The following CHRM3 variants were observed in gnomAD, a reference collection of about 807,000 sequenced individuals.
CHRM3 encodes the protein muscarinic acetylcholine receptor M3.
A neutral mutation model predicts 41.8 loss-of-function variants in CHRM3; 11 were observed. The observed-to-expected ratio is 0.26, with a 90% CI of 0.17 to 0.44. The LOEUF is 0.44. CHRM3 is among the 20% of genes least tolerant of loss of function. The pLI is 1.00. For missense variants in CHRM3, 571 were observed against 745.4 expected (o/e 0.77, Z 2.72); for synonymous variants, 297 against 301.4 (o/e 0.99, Z 0.15).
intron 1 of CHRM3, among the ~76,000 whole-genome samples, chr1:239,414,352 C>G (rs1229309793): frequency 6.6e-6 from 1 of 152,192 alleles, no homozygotes; most frequent in Non-Finnish European, 1.5e-5. Context: ...TTGTTAATCT[C>G]TTCCTCAGTT....
chr1:239,869,625 C>T (rs543728342), intron 6 of CHRM3, among the ~76,000 whole-genome samples: 1 of 152,236 alleles, frequency 6.6e-6, no homozygotes, highest in Admixed American at 6.5e-5. Context: ...AGCCCTCAGC[C>T]ATGGATCCCC....
At chr1:239,567,029 A>G (rs572683104) in intron 3 of CHRM3, among the ~76,000 whole-genome samples, 1 of 152,354 alleles carries the variant, frequency 6.6e-6, no homozygotes, top group South Asian at 2.1e-4. Flanking sequence ...GAATGGAGCA[A>G]TCATAGATTT....
At chr1:239,653,612 G>A (rs1672438909) in intron 4 of CHRM3, among the ~76,000 whole-genome samples, 1 of 152,160 alleles carries the variant, frequency 6.6e-6, no homozygotes, top group African/African-American at 2.4e-5. Context: ...AAAACGGTCT[G>A]AACTTACAAG....
intron 1 of CHRM3, among the ~76,000 whole-genome samples, chr1:239,467,970 G>T (rs760469191): frequency 6.6e-6 from 1 of 152,032 alleles, no homozygotes; most frequent in African/African-American, 2.4e-5. Flanking sequence ...GAGTCTGAGG[G>T]TGTTAAAGAG....
intron 3 of CHRM3, among the ~76,000 whole-genome samples, chr1:239,597,331 C>G (rs946748248): frequency 6.6e-5 from 10 of 152,196 alleles, no homozygotes; most frequent in African/African-American, 2.2e-4. Context: ...TTCAATGGCC[C>G]TATACACAAG....
In CHRM3 at chr1:239,912,136, C is replaced by T. The variant is rs977614150; in HGVS notation, c.*2912C>T. 2 of 166,804 alleles carry T rather than the reference C, an allele frequency of 1.2e-5. No individual in the cohort carries two copies. The highest frequency in any genetic ancestry group is 2.9e-5 in the Non-Finnish European group (2 of 68,072). 10.3% of individuals were successfully genotyped at this position (166,804 alleles called of 1,614,324 possible). A position where few individuals can be genotyped will look rare whatever the true frequency, so the allele number is the denominator to read the frequency against. ...CTACACATGGAGAATCTCTCTCTCT[C>T]TCTCTGCCTCTCTCTCTCTCTTTCT... On this transcript the variant is annotated 3_prime_UTR_variant, in exon 7 of 7. Coordinates refer to ENST00000676153, the MANE Select transcript of CHRM3 (RefSeq NM_001375978.1).
intron 6 of CHRM3, among the ~76,000 whole-genome samples, chr1:239,864,998 G>A (rs558129419): frequency 2.0e-5 from 3 of 152,172 alleles, no homozygotes; most frequent in Admixed American, 6.5e-5. Flanking sequence ...TCCCTCCATC[G>A]AGTTATGAGC....
At chr1:239,680,397 G>A (rs1471266672) in intron 5 of CHRM3, among the ~76,000 whole-genome samples, 1 of 152,094 alleles carries the variant, frequency 6.6e-6, no homozygotes, top group Admixed American at 6.6e-5. Flanking sequence ...AGCTGTAGCA[G>A]TACCTTCTGC....
intron 6 of CHRM3, among the ~76,000 whole-genome samples, chr1:239,840,579 A>G (rs1673712373): frequency 6.6e-6 from 1 of 152,192 alleles, no homozygotes. Flanking sequence ...GCTGTAGTAC[A>G]CACCATTGAT....
intron 3 of CHRM3, among the ~76,000 whole-genome samples, chr1:239,600,791 C>G (rs1665428116): frequency 6.8e-6 from 1 of 147,136 alleles, no homozygotes; most frequent in Non-Finnish European, 1.5e-5. Flanking sequence ...TCCTTCCTTC[C>G]TTTTCTTTCC....
intron 2 of CHRM3, among the ~76,000 whole-genome samples, chr1:239,494,562 T>G (rs1287544252): frequency 6.6e-6 from 1 of 152,190 alleles, no homozygotes; most frequent in African/African-American, 2.4e-5. Flanking sequence ...ATTTTTTATG[T>G]TCCAGAATAC....
At chr1:239,902,491 A>G (rs917909944) in intron 6 of CHRM3, among the ~76,000 whole-genome samples, 1 of 152,184 alleles carries the variant, frequency 6.6e-6, no homozygotes, top group Admixed American at 6.5e-5. Context: ...TGAGAACATC[A>G]TCTTTATTAA....
intron 2 of CHRM3, among the ~76,000 whole-genome samples, chr1:239,521,506 A>G (rs1669634595): frequency 6.6e-6 from 1 of 152,240 alleles, no homozygotes; most frequent in African/African-American, 2.4e-5. Flanking sequence ...TTGGTTTTCT[A>G]TCATTACAAT....
intron 3 of CHRM3, among the ~76,000 whole-genome samples, chr1:239,574,518 C>G (rs1001065725): frequency 4.6e-5 from 7 of 152,102 alleles, no homozygotes; most frequent in Non-Finnish European, 8.8e-5. Flanking sequence ...CTTTGCCAGG[C>G]CTACCTAGAC....
At chr1:239,717,369 G>T (rs937402053) in intron 5 of CHRM3, among the ~76,000 whole-genome samples, 1 of 151,946 alleles carries the variant, frequency 6.6e-6, no homozygotes, top group Non-Finnish European at 1.5e-5. Context: ...AGAGTAGTGG[G>T]GACCATTTCT....
intron 1 of CHRM3, among the ~76,000 whole-genome samples, chr1:239,481,606 G>A (rs190037469): frequency 1.7e-4 from 26 of 152,260 alleles, no homozygotes; most frequent in Non-Finnish European, 3.5e-4. Context: ...CAATTAAAAG[G>A]ACGTTGGTCA....
At chr1:239,775,689 T>A (rs558812735) in intron 5 of CHRM3, among the ~76,000 whole-genome samples, 5 of 152,148 alleles carry the variant, frequency 3.3e-5, no homozygotes, top group Non-Finnish European at 4.4e-5. Context: ...AATCGTGGAA[T>A]AGCATCATGT....
At chr1:239,647,618 G>A (rs1671853255) in intron 4 of CHRM3, among the ~76,000 whole-genome samples, 4 of 151,900 alleles carry the variant, frequency 2.6e-5, no homozygotes, top group Admixed American at 2.0e-4. Flanking sequence ...CTGTGCCTCC[G>A]CTTAGACATT....
chr1:239,877,389 C>T (rs764187912), intron 6 of CHRM3, among the ~76,000 whole-genome samples: 9 of 150,862 alleles, frequency 6.0e-5, no homozygotes, highest in Non-Finnish European at 1.0e-4. Flanking sequence ...CAAGGCCTGC[C>T]TGGTCAACAT....
Sources: gnomAD v4.1 joint callset for allele counts (sites outside exome capture counted in the v4.1 genomes callset) on GRCh38, gnomAD v4.1.1 for gene constraint, MANE v1.5 for transcripts, NCBI Gene and HGNC (gene_info 2026-07-23, HGNC 2026-07-21) for gene names.